PLEKHA6: variants seen among roughly 807,000 people sequenced by gnomAD.
PLEKHA6 encodes pleckstrin homology domain-containing family A member 6.
In PLEKHA6, 60 loss-of-function variants were observed where a neutral mutation model predicts 116.7. The observed-to-expected ratio is 0.51, with a 90% CI of 0.42 to 0.64. The LOEUF (loss-of-function observed/expected upper bound fraction) is 0.64. Among genes scored for constraint, PLEKHA6 ranks in the 30% least tolerant of loss-of-function variants. The pLI is 0.00. For synonymous variants in PLEKHA6, 489 were observed against 556.1 expected, an observed-to-expected ratio of 0.88 and a Z score of 1.70; for missense variants, 1,338 against 1,422.7, an observed-to-expected ratio of 0.94 and a Z score of 0.96.
intron 1 of PLEKHA6, among the ~76,000 whole-genome samples, chr1:204,356,001 A>ACAC (rs1046294427): frequency 1.3e-3 from 24 of 18,392 alleles, no homozygotes; most frequent in Admixed American, 3.7e-3. Flanking sequence ...ACACACACAC[A>ACAC]AAAAAAATCC....
At chr1:204,302,809 G>T (rs1670941869) in intron 1 of PLEKHA6, among the ~76,000 whole-genome samples, 1 of 152,156 alleles carries the variant, frequency 6.6e-6, no homozygotes, top group Admixed American at 6.5e-5. Context: ...CCAGGAGGTG[G>T]AGGTTGTGGT....
chr1:204,276,876 T>G (rs1668067050), intron 1 of PLEKHA6: 1 of 152,508 alleles, frequency 6.6e-6, no homozygotes, highest in Non-Finnish European at 1.5e-5. Context: ...CTATGCTTCC[T>G]TCTCCAGGTC....
chr1:204,370,392 C>T (rs543101734), intron 2 of PLEKHA6, among the ~76,000 whole-genome samples: 51 of 152,316 alleles, frequency 3.3e-4, no homozygotes, highest in East Asian at 5.8e-4. Context: ...CGCTGGAAGG[C>T]GAGAGGGGGA....
intron 5 of PLEKHA6, 26 bp from the exon 6 acceptor site, chr1:204,265,068 G>GT (rs1666617459): frequency 2.3e-6 from 3 of 1,308,876 alleles, no homozygotes; most frequent in Non-Finnish European, 2.2e-6. Flanking sequence ...GCACAAGAAG[G>GT]GTGTGTGTGT....
chr1:204,374,597 C>G (rs1673833436), intron 1 of PLEKHA6, among the ~76,000 whole-genome samples: 1 of 152,066 alleles, frequency 6.6e-6, no homozygotes, highest in African/African-American at 2.4e-5. Flanking sequence ...GGGTTATCGT[C>G]CCCCTCCTCT....
At chr1:204,299,037 G>A (rs576008034) in intron 1 of PLEKHA6, among the ~76,000 whole-genome samples, 1 of 152,326 alleles carries the variant, frequency 6.6e-6, no homozygotes, top group East Asian at 1.9e-4. Context: ...CCATTCTTGT[G>A]ATCCAGCCAT....
At chr1:204,275,245 T>C (rs1667881231) in intron 1 of PLEKHA6, among the ~76,000 whole-genome samples, 1 of 152,198 alleles carries the variant, frequency 6.6e-6, no homozygotes, top group African/African-American at 2.4e-5. Context: ...AACTTTCTTG[T>C]GACCTTGGAC....
chr1:204,259,320 C>A lies in PLEKHA6; in HGVS notation c.945G>T (p.Met315Ile), dbSNP rs758591444. ...GATTCACCCACTGCTGAAGCTGGTT[C>A]ATGGAGCTCTTGCGCTGGGCAATTT... ...PDKIAQRKSS[M>I]NQLQQWVNLR... is the part of the protein sequence containing the mutation. Residue 315 changes from methionine to isoleucine, a missense_variant, in exon 8 of 23, where the codon ATG (methionine) becomes ATT (isoleucine). Coordinates refer to ENST00000272203, the MANE Select transcript of PLEKHA6 (RefSeq NM_014935.5). This position sits in a 1 kb window ranked among gnomAD's most constrained non-coding sequence, Gnocchi z 4.6. The A allele has an allele frequency of 5.0e-6, 8 of 1,614,242 alleles. No individual in the cohort carries two copies. The Middle Eastern group carries it at 4.9e-4, about 100-fold the overall frequency.
chr1:204,232,901 C>G (rs982130601), intron 17 of PLEKHA6, among the ~76,000 whole-genome samples: 3 of 152,068 alleles, frequency 2.0e-5, no homozygotes, highest in African/African-American at 7.2e-5. Context: ...AATGGTGACC[C>G]CTTTGTTCCT....
chr1:204,332,848 T>C (rs147293451), intron 1 of PLEKHA6, among the ~76,000 whole-genome samples: 2 of 152,326 alleles, frequency 1.3e-5, no homozygotes, highest in East Asian at 3.9e-4. Context: ...CCTCCAAGCC[T>C]CAGTTATAAA....
chr1:204,257,547 G>A lies in PLEKHA6; in HGVS notation c.1330C>T (p.Leu444=), dbSNP rs1370250041. The change falls in exon 9 of 23, where the codon CTG becomes TTG. Residue 444 remains leucine (L), a synonymous_variant. Transcript: ENST00000272203. This position sits in a 1 kb window ranked among gnomAD's most constrained non-coding sequence, Gnocchi z 6.5. ...CGGGGCTGCAGGGACAGGCGGCGCA[G>A]GGAGCTAGAGGCGGCATCCAGCTCA... is the stretch of plus-strand genomic sequence containing the variant. The part of the protein sequence containing the change: ...YDELDAASSS[L]RRLSLQPRSH... 2 of 1,597,052 alleles carry A rather than the reference G, an allele frequency of 1.3e-6. No homozygotes were observed. The highest frequency in any genetic ancestry group is 1.7e-6 in the Non-Finnish European group (2 of 1,170,844).
chr1:204,306,868 A>G (rs1671360291), intron 1 of PLEKHA6, among the ~76,000 whole-genome samples: 1 of 152,212 alleles, frequency 6.6e-6, no homozygotes, highest in African/African-American at 2.4e-5. Flanking sequence ...CTAAGCACCT[A>G]CAAAATCCAG....
At chr1:204,250,807 A>G (rs1183044869) in intron 9 of PLEKHA6, among the ~76,000 whole-genome samples, 193 bp from the exon 10 acceptor site, 1 of 152,110 alleles carries the variant, frequency 6.6e-6, no homozygotes, top group African/African-American at 2.4e-5. Context: ...GCCTAACCCC[A>G]TCCCAGTTGT....
Position 204,219,389 on chromosome 1 carries a change from C to T in PLEKHA6, c.*3399G>A, listed in dbSNP as rs16853105. On this transcript the variant is annotated 3_prime_UTR_variant, in exon 23 of 23. Transcript: ENST00000272203. Reference sequence around the variant, plus strand: ...CCAAGAACATGCCTCTCCCAAAGGCCGGAGAGCAAGTGTGCCACTTGTGCC... The same window carrying T: ...CCAAGAACATGCCTCTCCCAAAGGCTGGAGAGCAAGTGTGCCACTTGTGCC... 0.087 allele frequency: 13,341 copies of T among 152,494 alleles called. 686 individuals are homozygous for T. The highest frequency in any genetic ancestry group is 0.14 in the Middle Eastern group (40 of 294). 9.4% of individuals were successfully genotyped at this position (152,494 alleles called of 1,614,324 possible). A position where few individuals can be genotyped will look rare whatever the true frequency, so the allele number is the denominator to read the frequency against.
chr1:204,344,180 A>C (rs1672945663), intron 1 of PLEKHA6, among the ~76,000 whole-genome samples: 1 of 152,186 alleles, frequency 6.6e-6, no homozygotes, highest in African/African-American at 2.4e-5. Context: ...GAAGAGTTGC[A>C]GAAAATATGT....
At chr1:204,274,569 C>T (rs1442844767) in intron 2 of PLEKHA6, 160 bp downstream of exon 2, 2 of 984,036 alleles carry the variant, frequency 2.0e-6, no homozygotes. Context: ...CCAGATGGGT[C>T]TCAGATGCTT....
At chr1:204,317,341 A>G (rs1671897874) in intron 1 of PLEKHA6, 1 of 246,186 alleles carries the variant, frequency 4.1e-6, no homozygotes, top group Non-Finnish European at 6.5e-6. Context: ...ACAATCAGCG[A>G]TGTTGTTCCA....
At chr1:204,313,663 T>C (rs770229822) in intron 1 of PLEKHA6, 1 of 984,714 alleles carries the variant, frequency 1.0e-6, no homozygotes, top group Non-Finnish European at 1.2e-6. Context: ...CATGCCCCCA[T>C]CCTCAGGTGG....
intron 1 of PLEKHA6, among the ~76,000 whole-genome samples, chr1:204,336,946 C>T (rs952529598): frequency 6.6e-6 from 1 of 152,200 alleles, no homozygotes; most frequent in Non-Finnish European, 1.5e-5. Flanking sequence ...TTTTGCCTGC[C>T]CCTGAGCCCT....
Sources: allele counts gnomAD v4.1 joint callset (sites outside exome capture counted in the v4.1 genomes callset), GRCh38; gene constraint gnomAD v4.1.1; non-coding constraint Gnocchi (gnomAD v3.1); transcripts MANE v1.5; gene names NCBI Gene and HGNC (gene_info 2026-07-23, HGNC 2026-07-21).